PAX2: variants seen among roughly 807,000 people sequenced by gnomAD.
PAX2 encodes the protein paired box protein Pax-2.
PAX2 carries 9 observed loss-of-function variants against 41.7 expected under a neutral mutation model. The observed-to-expected ratio is 0.22, with a 90% CI of 0.13 to 0.38. The LOEUF (loss-of-function observed/expected upper bound fraction) is 0.38. PAX2 is among the 10% of genes least tolerant of loss of function. PAX2 has a pLI of 1.00. For missense variants in PAX2, 418 were observed against 531.6 expected, an observed-to-expected ratio of 0.79 and a Z score of 2.10; for synonymous variants, 221 against 212.7, an observed-to-expected ratio of 1.04 and a Z score of -0.34.
rs1163675206 is a variant in PAX2, at chr10:100,828,854, T to G, written c.*1235T>G. The G allele has an allele frequency of 3.0e-5, 7 of 232,036 alleles. No individual in the cohort carries two copies. The Admixed American group carries it at 3.9e-4, about 13-fold the overall frequency. 14.4% of individuals were successfully genotyped at this position (232,036 alleles called of 1,614,324 possible). The stretch of plus-strand genomic sequence containing the variant: ...ACAACACAAAAGCCCACCAGGCTGC[T>G]GCTTTGTGGAAAGACGGTGTGTGTC... On this transcript the variant is annotated 3_prime_UTR_variant, in exon 10 of 10. Transcript: ENST00000355243. The surrounding 1 kb of genome is among the most constrained non-coding windows in gnomAD (Gnocchi z 6.5).
chr10:100,803,948 C>T (rs1483610149), intron 5 of PAX2, among the ~76,000 whole-genome samples: 3 of 152,076 alleles, frequency 2.0e-5, no homozygotes, highest in Non-Finnish European at 2.9e-5. Flanking sequence ...ACCCCTAAAA[C>T]AGTACTATCA....
intron 5 of PAX2, among the ~76,000 whole-genome samples, chr10:100,789,597 C>A (rs565159282): frequency 1.7e-4 from 26 of 152,328 alleles, no homozygotes; most frequent in Middle Eastern, 3.4e-3. Context: ...ACTGCATTGG[C>A]TCAACCTATG....
upstream of PAX2, among the ~76,000 whole-genome samples, chr10:100,743,068 A>G (rs1250684782): frequency 6.6e-6 from 1 of 151,608 alleles, no homozygotes; most frequent in African/African-American, 2.4e-5. Context: ...TTGACTCTCT[A>G]GACCCAGGAA....
chr10:100,756,754 C>T (rs957106184), intron 3 of PAX2, among the ~76,000 whole-genome samples: 50 of 152,300 alleles, frequency 3.3e-4, no homozygotes, highest in African/African-American at 1.1e-3. Flanking sequence ...AATGCTCATC[C>T]GACCTGCCAG....
chr10:100,740,279 G>C (rs547119340), intron 1 of PAX2, among the ~76,000 whole-genome samples: 10 of 152,220 alleles, frequency 6.6e-5, no homozygotes, highest in Non-Finnish European at 1.5e-4. Flanking sequence ...TGGTTGGGGG[G>C]TGGGCAGTGA....
At chr10:100,813,728 T>G (rs1421158900) in intron 7 of PAX2, among the ~76,000 whole-genome samples, 1 of 152,150 alleles carries the variant, frequency 6.6e-6, no homozygotes, top group Admixed American at 6.5e-5. Flanking sequence ...ACCATGAGTA[T>G]GTTGCAGGAA....
intron 7 of PAX2, among the ~76,000 whole-genome samples, chr10:100,811,614 T>C (rs566396076): frequency 6.6e-6 from 1 of 152,376 alleles, no homozygotes; most frequent in African/African-American, 2.4e-5. Flanking sequence ...GGAGAGGCCC[T>C]TAGTGTATTT....
At chr10:100,782,703 C>A (rs1846680201) in intron 5 of PAX2, among the ~76,000 whole-genome samples, 1 of 152,278 alleles carries the variant, frequency 6.6e-6, no homozygotes, top group African/African-American at 2.4e-5. Flanking sequence ...TCCAAAATAT[C>A]CAAACCGATT....
chr10:100,774,143 C>G (rs1846305646), intron 3 of PAX2, among the ~76,000 whole-genome samples: 1 of 152,218 alleles, frequency 6.6e-6, no homozygotes. Context: ...CTGGTGCTCT[C>G]TTAAAAGGTG....
upstream of PAX2, among the ~76,000 whole-genome samples, chr10:100,741,824 C>T (rs950303320): frequency 1.3e-5 from 2 of 152,220 alleles, no homozygotes; most frequent in African/African-American, 2.4e-5. Context: ...CAGCTTTTTC[C>T]CCTCTGAACT....
intron 5 of PAX2, among the ~76,000 whole-genome samples, chr10:100,799,589 G>C (rs1404273331): frequency 6.6e-6 from 1 of 152,140 alleles, no homozygotes; most frequent in Non-Finnish European, 1.5e-5. Context: ...AGGCTCTGCT[G>C]CTTCCTAGCT....
At position 100,750,659 on chromosome 10, in the gene PAX2, G is replaced by A. The variant is rs370482517; in HGVS notation, c.213-35G>A. 51 of 1,600,004 alleles carry A rather than the reference G, an allele frequency of 3.2e-5. No homozygotes were observed. Among genetic ancestry groups the A allele is most frequent in the African/African-American group, 2.3e-4 (17 of 74,772 alleles). ...CAGCCCCCCTGCCCCGCCACAGTCC[G>A]CTTCTGGCTGACCCCGCCGGCTTTC... is the stretch of plus-strand genomic sequence containing the variant. On this transcript the variant is annotated intron_variant, in intron 2 of 9. Coordinates refer to ENST00000355243, the MANE Select transcript of PAX2 (RefSeq NM_000278.5). This position sits in a 1 kb window ranked among gnomAD's most constrained non-coding sequence, Gnocchi z 4.1.
At chr10:100,774,915 A>C (rs1219146316) in intron 3 of PAX2, among the ~76,000 whole-genome samples, 1 of 152,208 alleles carries the variant, frequency 6.6e-6, no homozygotes, top group Non-Finnish European at 1.5e-5. Context: ...AAGTGCCTGG[A>C]AGTCCCCATG....
chr10:100,794,437 A>T (rs1589864591), intron 5 of PAX2, among the ~76,000 whole-genome samples: 1 of 151,566 alleles, frequency 6.6e-6, no homozygotes, highest in Non-Finnish European at 1.5e-5. Context: ...TCCATTTGAC[A>T]CCCTCCCTTC....
intron 6 of PAX2, among the ~76,000 whole-genome samples, chr10:100,807,196 T>C (rs1439351403): frequency 6.6e-6 from 1 of 152,128 alleles, no homozygotes; most frequent in Non-Finnish European, 1.5e-5. Context: ...GGGCACAGCA[T>C]GTAACACACC....
Position 100,827,402 on chromosome 10 carries a change from C to T in PAX2, c.1109-141C>T, listed in dbSNP as rs1848611567. ...CGCAACTATTCTCCGGGGCAACTGG[C>T]TCCACTGCCCAGCCAAGGTCTCCCA... is the stretch of plus-strand genomic sequence containing the variant. On this transcript the variant is annotated intron_variant, in intron 9 of 9. Coordinates refer to ENST00000355243, the MANE Select transcript of PAX2 (RefSeq NM_000278.5). The surrounding 1 kb of genome is among the most constrained non-coding windows in gnomAD (Gnocchi z 8.5). 2.4e-6 allele frequency: 2 copies of T among 842,962 alleles called. No individual in the cohort carries two copies. Among genetic ancestry groups the T allele is most frequent in the Admixed American group, 1.9e-5 (1 of 52,262 alleles). 52.2% of individuals were successfully genotyped at this position (842,962 alleles called of 1,614,324 possible).
intron 5 of PAX2, among the ~76,000 whole-genome samples, chr10:100,788,823 G>A (rs1846981547): frequency 6.6e-6 from 1 of 151,968 alleles, no homozygotes; most frequent in Non-Finnish European, 1.5e-5. Context: ...CCAGCACTTG[G>A]ATACAATTAT....
chr10:100,806,552 C>G lies in PAX2; in HGVS notation c.739C>G (p.Arg247Gly). The G allele has an allele frequency of 6.2e-7, 1 of 1,614,184 alleles. No homozygotes were observed. The highest frequency in any genetic ancestry group is 8.5e-7 in the Non-Finnish European group (1 of 1,180,036). The change falls in exon 6 of 10, where the codon CGT (arginine) becomes GGT (glycine). Residue 247 changes from arginine (R) to glycine (G), a missense_variant. By Grantham distance (125) the Arg-to-Gly change is moderately radical. This residue lies in a region of PAX2 where 310 missense variants were observed against 325.2 expected (regional missense o/e 0.95). Coordinates refer to ENST00000355243, the MANE Select transcript of PAX2 (RefSeq NM_000278.5). ...QLEALDRVFE[R>G]PSYPDVFQAS... ...GGAAGCTTTGGATCGGGTCTTTGAG[C>G]GTCCTTCCTACCCTGACGTCTTCCA...
intron 5 of PAX2, among the ~76,000 whole-genome samples, chr10:100,796,202 T>C (rs117117481): frequency 0.018 from 2,716 of 152,342 alleles, 58 homozygotes; most frequent in Admixed American, 0.06. Flanking sequence ...ACTCACAATG[T>C]CGTCACCAGG....
Sources: gnomAD v4.1 joint callset for allele counts (sites outside exome capture counted in the v4.1 genomes callset) on GRCh38, gnomAD v4.1.1 for gene constraint, gnomAD v4.1.1 regional missense constraint, Gnocchi (gnomAD v3.1) non-coding constraint, MANE v1.5 for transcripts, NCBI Gene and HGNC (gene_info 2026-07-23, HGNC 2026-07-21) for gene names.